PCDHA9: variants seen among roughly 807,000 people sequenced by gnomAD.
PCDHA9 encodes the protein protocadherin alpha 9.
PCDHA9 carries 62 observed loss-of-function variants against 62.0 expected under a neutral mutation model. The ratio of observed to expected loss-of-function variants is 1.00; its 90% CI spans 0.81 to 1.23. The LOEUF (loss-of-function observed/expected upper bound fraction) is 1.23. PCDHA9 is among the 50% of genes most tolerant of loss of function. PCDHA9 has a pLI of 0.00. For missense variants in PCDHA9, 1,205 were observed against 1,249.8 expected, an observed-to-expected ratio of 0.96 and a Z score of 0.54; for synonymous variants, 557 against 567.6, an observed-to-expected ratio of 0.98 and a Z score of 0.27.
At chr5:140,938,278 G>A (rs1394435028) in intron 1 of PCDHA9, among the ~76,000 whole-genome samples, 1 of 152,090 alleles carries the variant, frequency 6.6e-6, no homozygotes, top group African/African-American at 2.4e-5. Context: ...TAGTTTTCTT[G>A]CTTTCTGTCA....
intron 1 of PCDHA9, among the ~76,000 whole-genome samples, chr5:140,944,016 A>G (rs2093596830): frequency 6.6e-6 from 1 of 152,182 alleles, no homozygotes; most frequent in Non-Finnish European, 1.5e-5. Flanking sequence ...CCCAAAAGCA[A>G]TTATCTTCAA....
chr5:140,933,704 T>C (rs1436562602), intron 1 of PCDHA9, among the ~76,000 whole-genome samples: 1 of 152,084 alleles, frequency 6.6e-6, no homozygotes, highest in African/African-American at 2.4e-5. Flanking sequence ...CGGACACATT[T>C]ACTGAGATTG....
chr5:140,988,152 C>G (rs2153871090), intron 3 of PCDHA9, among the ~76,000 whole-genome samples: 1 of 152,258 alleles, frequency 6.6e-6, no homozygotes, highest in East Asian at 1.9e-4. Flanking sequence ...ACCTCAACTT[C>G]TGCCGTTGTC....
At chr5:140,875,342 A>T in intron 1 of PCDHA9, 1 of 1,443,152 alleles carries the variant, frequency 6.9e-7, no homozygotes, top group Non-Finnish European at 9.1e-7. Flanking sequence ...GATCGACTCC[A>T]TAATGACTGT....
chr5:140,913,167 T>C (rs1232000053), intron 1 of PCDHA9, among the ~76,000 whole-genome samples: 1 of 152,196 alleles, frequency 6.6e-6, no homozygotes, highest in Non-Finnish European at 1.5e-5. Flanking sequence ...TTGGTATTAG[T>C]TCTTCTTTAA....
intron 2 of PCDHA9, among the ~76,000 whole-genome samples, chr5:140,981,439 T>C (rs1468864699): frequency 6.6e-6 from 1 of 152,128 alleles, no homozygotes; most frequent in Non-Finnish European, 1.5e-5. Flanking sequence ...CCAGGCATGG[T>C]GGCGGGTGCC....
At chr5:140,880,068 A>G (rs2058226577) in intron 1 of PCDHA9, among the ~76,000 whole-genome samples, 1 of 152,252 alleles carries the variant, frequency 6.6e-6, no homozygotes, top group South Asian at 2.1e-4. Flanking sequence ...TTTGGGGACC[A>G]CAATTCAACC....
intron 3 of PCDHA9, among the ~76,000 whole-genome samples, chr5:140,994,024 A>G (rs1440214596): frequency 6.6e-6 from 1 of 152,234 alleles, no homozygotes; most frequent in East Asian, 1.9e-4. Context: ...TGATGCAGAT[A>G]TAATATTAAA....
At chr5:140,871,528 T>C (rs373016617) in intron 1 of PCDHA9, 418 of 1,530,484 alleles carry the variant, frequency 2.7e-4, no homozygotes, top group Non-Finnish European at 3.4e-4. Flanking sequence ...TATCAGGAAG[T>C]GTATGTGAAA....
At chr5:140,945,001 G>A (rs2093722890) in intron 1 of PCDHA9, among the ~76,000 whole-genome samples, 1 of 151,990 alleles carries the variant, frequency 6.6e-6, no homozygotes, top group African/African-American at 2.4e-5. Context: ...ACGGTTGTGG[G>A]TCATGAATTA....
chr5:140,973,199 G>A (rs574187280), intron 1 of PCDHA9, among the ~76,000 whole-genome samples: 3 of 152,296 alleles, frequency 2.0e-5, no homozygotes, highest in East Asian at 3.9e-4. Context: ...CACTATGTGT[G>A]CATATTCACC....
intron 1 of PCDHA9, chr5:140,968,816 G>A: frequency 6.2e-7 from 1 of 1,614,144 alleles, no homozygotes. Context: ...GGTGGATAGG[G>A]TTTCCAAAAT....
chr5:140,863,417 G>A (rs182048002), intron 1 of PCDHA9: 5 of 701,164 alleles, frequency 7.1e-6, no homozygotes, highest in Non-Finnish European at 9.9e-6. Flanking sequence ...CTGGTGTACC[G>A]CAGCGTAGTG....
chr5:140,885,561 T>G (rs1378492280), intron 1 of PCDHA9, among the ~76,000 whole-genome samples: 2 of 152,192 alleles, frequency 1.3e-5, no homozygotes, highest in African/African-American at 4.8e-5. Context: ...TCTACGAAAT[T>G]GATTGTCAGA....
chr5:140,899,102 G>A (rs1156372420), intron 1 of PCDHA9, among the ~76,000 whole-genome samples: 1 of 152,066 alleles, frequency 6.6e-6, no homozygotes, highest in Non-Finnish European at 1.5e-5. Flanking sequence ...TGAGATAATG[G>A]GGTTTTCTAG....
At chr5:140,928,367 C>T (rs781897390) in intron 1 of PCDHA9, 1 of 1,614,170 alleles carries the variant, frequency 6.2e-7, no homozygotes, top group East Asian at 2.2e-5. Context: ...TCTGAAGGGC[C>T]ATCAGCCTCT....
intron 1 of PCDHA9, among the ~76,000 whole-genome samples, chr5:140,965,879 G>A (rs920261632): frequency 6.6e-6 from 1 of 152,216 alleles, no homozygotes; most frequent in Non-Finnish European, 1.5e-5. Flanking sequence ...ACTTGGCCGA[G>A]AGCAGAATTG....
chr5:140,965,035 C>T (rs978573637), intron 1 of PCDHA9, among the ~76,000 whole-genome samples: 6 of 152,108 alleles, frequency 3.9e-5, no homozygotes, highest in Non-Finnish European at 5.9e-5. Context: ...TTTAACTGTC[C>T]GCTCTAGGAG....
At chr5:140,968,278 G>A in intron 1 of PCDHA9, 1 of 1,614,014 alleles carries the variant, frequency 6.2e-7, no homozygotes, top group Non-Finnish European at 8.5e-7. Context: ...ATGCAGAGGT[G>A]ACCTACTCCC....
Sources: allele counts gnomAD v4.1 joint callset (sites outside exome capture counted in the v4.1 genomes callset), GRCh38; gene constraint gnomAD v4.1.1; transcripts MANE v1.5; gene names NCBI Gene and HGNC (gene_info 2026-07-23, HGNC 2026-07-21).